ITPR2: variants seen among roughly 807,000 people sequenced by gnomAD.
The protein encoded by ITPR2 is inositol 1,4,5-trisphosphate-gated calcium channel ITPR2.
Under a neutral mutation model 317.1 loss-of-function variants are expected in ITPR2, and 207 were observed. That is an observed-to-expected ratio of 0.65 (90% CI 0.58 to 0.73). The LOEUF is 0.73. Ranked by LOEUF, ITPR2 falls within the 30% of genes least tolerant of loss-of-function variation. ITPR2 has a pLI of 0.00. For missense variants in ITPR2, 2,613 were observed against 3,284.0 expected (o/e 0.80, Z 4.99); for synonymous variants, 1,156 against 1,149.1 (o/e 1.01, Z -0.12).
At chr12:26,513,301 T>C (rs1416648834) in intron 37 of ITPR2, among the ~76,000 whole-genome samples, 1 of 152,186 alleles carries the variant, frequency 6.6e-6, no homozygotes, top group Admixed American at 6.5e-5. Flanking sequence ...CTTGCTTAAA[T>C]TCGAATTAAG....
In ITPR2 at chr12:26,771,044, A is replaced by T. The variant is rs553922403; in HGVS notation, c.163+19113T>A. ...TGCGCCTTCTATTCGTATGTCTTGT[A>T]CAAGGATATATAAGATTTAGGACCC... On this transcript the variant is annotated intron_variant, in intron 2 of 56. Transcript: ENST00000381340. 6.9e-4 allele frequency among the ~76,000 whole-genome samples: 105 copies of T among 152,292 alleles called. 1 individual carries two copies. The highest frequency in any genetic ancestry group is 2.2e-3 in the African/African-American group (92 of 41,556).
chr12:26,488,099 C>T (rs1398606992), intron 39 of ITPR2, among the ~76,000 whole-genome samples: 1 of 152,064 alleles, frequency 6.6e-6, no homozygotes, highest in Non-Finnish European at 1.5e-5. Flanking sequence ...GGAAAGATAA[C>T]ACATTCCAGA....
At chr12:26,630,856 C>G (rs138736463) in intron 22 of ITPR2, 8 of 152,138 alleles carry the variant, frequency 5.3e-5, no homozygotes, top group African/African-American at 1.9e-4. Context: ...GTCAGGTGAT[C>G]GCTATCTTTC....
intron 9 of ITPR2, among the ~76,000 whole-genome samples, chr12:26,708,589 A>G (rs1948596176): frequency 6.6e-6 from 1 of 152,236 alleles, no homozygotes; most frequent in Admixed American, 6.5e-5. Flanking sequence ...AAGGATAGTT[A>G]CCAGAGGCTA....
intron 51 of ITPR2, among the ~76,000 whole-genome samples, chr12:26,414,048 T>C (rs200299317): frequency 0.021 from 1,028 of 48,996 alleles, 41 homozygotes; most frequent in South Asian, 0.14. Flanking sequence ...CATGTATATA[T>C]GTACACACAC....
intron 21 of ITPR2, among the ~76,000 whole-genome samples, chr12:26,652,988 G>A (rs1483909904): frequency 1.3e-5 from 2 of 152,168 alleles, no homozygotes; most frequent in South Asian, 4.1e-4. Flanking sequence ...TGAATATATT[G>A]TATACATTCC....
At chr12:26,361,311 C>A (rs572727180) in intron 55 of ITPR2, among the ~76,000 whole-genome samples, 2 of 152,158 alleles carry the variant, frequency 1.3e-5, no homozygotes, top group East Asian at 3.9e-4. Context: ...ATCTACACAG[C>A]ATTATTTATG....
intron 6 of ITPR2, 95 bp downstream of exon 6, chr12:26,716,049 G>T: frequency 1.2e-6 from 1 of 827,066 alleles, no homozygotes; most frequent in Non-Finnish European, 2.0e-6. Flanking sequence ...CTGGGATTAT[G>T]CTCATGAAAA....
intron 31 of ITPR2, 92 bp from the exon 32 acceptor site, chr12:26,595,682 T>G (rs910706740): frequency 9.7e-7 from 1 of 1,027,802 alleles, no homozygotes; most frequent in Non-Finnish European, 1.4e-6. Flanking sequence ...AATCTGTTAG[T>G]TTTTATGGTA....
chr12:26,612,877 T>C (rs911409056), intron 26 of ITPR2, among the ~76,000 whole-genome samples: 2 of 152,240 alleles, frequency 1.3e-5, no homozygotes, highest in Admixed American at 6.5e-5. Flanking sequence ...ACTTCTCTTA[T>C]TATTCTTGAA....
At chr12:26,715,698 C>A in intron 7 of ITPR2, 54 bp downstream of exon 7, 1 of 1,176,932 alleles carries the variant, frequency 8.5e-7, no homozygotes, top group South Asian at 1.3e-5. Context: ...TCTAGAATTT[C>A]AGTAAGACTA....
At chr12:26,598,521 A>G (rs1360705861) in intron 30 of ITPR2, among the ~76,000 whole-genome samples, 2 of 152,232 alleles carry the variant, frequency 1.3e-5, no homozygotes, top group East Asian at 1.9e-4. Context: ...TCTCCAATGT[A>G]TCATACTTGC....
chr12:26,437,208 C>T (rs1463056967), intron 47 of ITPR2, among the ~76,000 whole-genome samples: 3 of 152,164 alleles, frequency 2.0e-5, no homozygotes, highest in African/African-American at 7.2e-5. Context: ...AGGCCTTGTC[C>T]ATTCTCTAAC....
intron 55 of ITPR2, among the ~76,000 whole-genome samples, chr12:26,355,643 C>A (rs1938615553): frequency 1.3e-5 from 2 of 152,204 alleles, no homozygotes; most frequent in African/African-American, 4.8e-5. Context: ...CCATTCTCTC[C>A]TTTAACTCTT....
chr12:26,572,711 A>G (rs1268567575), intron 34 of ITPR2, among the ~76,000 whole-genome samples: 3 of 152,214 alleles, frequency 2.0e-5, no homozygotes, highest in African/African-American at 7.2e-5. Context: ...GAAATTAAGT[A>G]TGGTTTCCTT....
At chr12:26,663,960 G>T in intron 14 of ITPR2, 114 bp from the exon 15 acceptor site, 1 of 975,136 alleles carries the variant, frequency 1.0e-6, no homozygotes. Context: ...TTGAGTATTA[G>T]AGTAAACGGG....
At chr12:26,383,812 C>A (rs564480616) in intron 55 of ITPR2, among the ~76,000 whole-genome samples, 2 of 152,026 alleles carry the variant, frequency 1.3e-5, no homozygotes, top group South Asian at 4.2e-4. Flanking sequence ...CTTGTTTTTC[C>A]CATTTCTCCG....
chr12:26,830,183 C>T (rs1163369197), intron 1 of ITPR2, among the ~76,000 whole-genome samples: 1 of 152,248 alleles, frequency 6.6e-6, no homozygotes, highest in Non-Finnish European at 1.5e-5. Flanking sequence ...GGATTACAGG[C>T]ATGAGCCACT....
At chr12:26,404,473 GA>G (rs1565508166) in intron 52 of ITPR2, among the ~76,000 whole-genome samples, 1 of 152,162 alleles carries the variant, frequency 6.6e-6, no homozygotes, top group African/African-American at 2.4e-5. Context: ...TAATTTTAAA[GA>G]TGTCAAAATT....
Sources: gnomAD v4.1 joint callset for allele counts (sites outside exome capture counted in the v4.1 genomes callset) on GRCh38, gnomAD v4.1.1 for gene constraint, MANE v1.5 for transcripts, NCBI Gene and HGNC (gene_info 2026-07-23, HGNC 2026-07-21) for gene names.